NAALADL2: variants seen among roughly 807,000 people sequenced by gnomAD.
NAALADL2 encodes the protein inactive N-acetylated-alpha-linked acidic dipeptidase-like protein 2.
NAALADL2 carries 76 observed loss-of-function variants against 87.2 expected under a neutral mutation model. The ratio of observed to expected loss-of-function variants is 0.87; its 90% CI spans 0.72 to 1.05. The LOEUF is 1.05. Among genes scored for constraint, NAALADL2 ranks in the 50% least tolerant of loss-of-function variants. NAALADL2 has a pLI of 0.00. For missense variants in NAALADL2, 1,089 were observed against 945.8 expected, an observed-to-expected ratio of 1.15 and a Z score of -1.99; for synonymous variants, 354 against 331.0, an observed-to-expected ratio of 1.07 and a Z score of -0.75.
intron 11 of NAALADL2, among the ~76,000 whole-genome samples, chr3:175,702,473 A>G (rs978217365): frequency 2.6e-5 from 4 of 152,126 alleles, no homozygotes; most frequent in Admixed American, 6.5e-5. Context: ...GGAAGACAGA[A>G]AAAAAAACTA....
intron 6 of NAALADL2, among the ~76,000 whole-genome samples, chr3:175,452,145 C>T (rs1721668715): frequency 6.6e-6 from 1 of 152,108 alleles, no homozygotes. Context: ...TGAAACTAAT[C>T]AATGTGTTCA....
chr3:174,779,030 T>C (rs1715593598), intron 3 of NAALADL2, among the ~76,000 whole-genome samples: 1 of 152,212 alleles, frequency 6.6e-6, no homozygotes, highest in Non-Finnish European at 1.5e-5. Flanking sequence ...TATTTCTAGT[T>C]CTAGATCCTT....
chr3:174,589,451 C>T (rs551007943), intron 2 of NAALADL2, among the ~76,000 whole-genome samples: 7 of 152,264 alleles, frequency 4.6e-5, no homozygotes, highest in South Asian at 2.1e-4. Context: ...TCTTCTGCGT[C>T]GCTTATGCTG....
chr3:174,806,178 C>T (rs887531796), intron 3 of NAALADL2, among the ~76,000 whole-genome samples: 2 of 152,116 alleles, frequency 1.3e-5, no homozygotes, highest in Non-Finnish European at 2.9e-5. Context: ...TGGAGTTTAG[C>T]ATATAGGATG....
At position 175,284,414 on chromosome 3, in the gene NAALADL2, T is replaced by G. The variant is rs561467787; in HGVS notation, c.939+27884T>G. Among the ~76,000 whole-genome samples, 15 of 152,176 alleles carry G rather than the reference T, an allele frequency of 9.9e-5. 1 individual carries two copies. The East Asian group carries it at 2.3e-3, about 24-fold the overall frequency. ...ATACTATTATATTCTGATTATATTA[T>G]GTCTTCCATTTGGAAAAGGAAAATA... is the stretch of plus-strand genomic sequence containing the variant. On this transcript the variant is annotated intron_variant, in intron 4 of 13. Coordinates refer to ENST00000454872, the MANE Select transcript of NAALADL2 (RefSeq NM_207015.3).
intron 5 of NAALADL2, among the ~76,000 whole-genome samples, chr3:175,421,165 A>G (rs2149122029): frequency 6.6e-6 from 1 of 152,080 alleles, no homozygotes. Context: ...TTGAGACCAT[A>G]TACAGTTCAG....
At chr3:175,753,239 T>C (rs1193398531) in intron 12 of NAALADL2, among the ~76,000 whole-genome samples, 8 of 152,162 alleles carry the variant, frequency 5.3e-5, no homozygotes, top group African/African-American at 1.9e-4. Flanking sequence ...TTTCTCCTTC[T>C]ACCACGATTT....
intron 1 of NAALADL2, among the ~76,000 whole-genome samples, chr3:174,529,013 C>G (rs1721011447): frequency 6.6e-6 from 1 of 152,092 alleles, no homozygotes; most frequent in South Asian, 2.1e-4. Flanking sequence ...CCAACAGTCC[C>G]CCAAAATCTT....
chr3:175,599,315 G>T (rs570176165), intron 10 of NAALADL2, among the ~76,000 whole-genome samples: 5 of 151,872 alleles, frequency 3.3e-5, no homozygotes, highest in Non-Finnish European at 7.4e-5. Flanking sequence ...CTTGACAAAG[G>T]TTATCATTAT....
rs1328535241 is a variant in NAALADL2, at chr3:175,698,403, G to GTATA, written c.1897-38900_1897-38899insATAT. Among the ~76,000 whole-genome samples the GTATA allele has an allele frequency of 2.7e-4, 20 of 74,216 alleles. 3 individuals are homozygous for GTATA. The highest frequency in any genetic ancestry group is 4.9e-4 in the East Asian group (2 of 4,074). 48.7% of individuals were successfully genotyped at this position (74,216 alleles called of 152,430 possible). On this transcript the variant is annotated intron_variant, in intron 11 of 13. Transcript: ENST00000454872. ...TTTATGTATGTATACATATGTATGT[G>GTATA]TATTTATGTATGTATACATATGTAT... is the stretch of plus-strand genomic sequence containing the variant.
At position 175,013,140 on chromosome 3, in the gene NAALADL2, ATG is replaced by A. The variant is rs1308574573; in HGVS notation, c.44-83648_44-83647del. Reference sequence around the variant, plus strand: ...TAAATATACATATTTATATATAAATATGTAATACATATTTATATATAAATATG... The same window carrying A: ...TAAATATACATATTTATATATAAATATAATACATATTTATATATAAATATG... On this transcript the variant is annotated intron_variant, in intron 1 of 13. Transcript: ENST00000454872. Among the ~76,000 whole-genome samples, 13 of 78,130 alleles carry A rather than the reference ATG, an allele frequency of 1.7e-4. 1 individual carries two copies. Among genetic ancestry groups the A allele is most frequent in the African/African-American group, 3.4e-4 (7 of 20,474 alleles). 51.3% of individuals were successfully genotyped at this position (78,130 alleles called of 152,430 possible).
intron 11 of NAALADL2, among the ~76,000 whole-genome samples, chr3:175,714,682 C>G (rs552684706): frequency 2.0e-5 from 3 of 152,230 alleles, no homozygotes; most frequent in Admixed American, 2.0e-4. Context: ...TGTAGGTTGC[C>G]TGTTCACTCT....
chr3:174,530,340 A>G (rs1215713580), intron 1 of NAALADL2, among the ~76,000 whole-genome samples: 1 of 152,106 alleles, frequency 6.6e-6, no homozygotes, highest in Non-Finnish European at 1.5e-5. Flanking sequence ...TTCATTGTCT[A>G]TATCATTATC....
chr3:174,745,923 C>G (rs897074829), intron 3 of NAALADL2, among the ~76,000 whole-genome samples: 2 of 152,144 alleles, frequency 1.3e-5, no homozygotes, highest in Non-Finnish European at 1.5e-5. Flanking sequence ...ATTGGTGGAA[C>G]ATATCTCAAA....
intron 9 of NAALADL2, among the ~76,000 whole-genome samples, chr3:175,518,878 G>A (rs193067082): frequency 1.3e-5 from 2 of 152,142 alleles, no homozygotes; most frequent in African/African-American, 4.8e-5. Flanking sequence ...ATAGGAAAAA[G>A]GTCATACAAA....
intron 3 of NAALADL2, among the ~76,000 whole-genome samples, chr3:174,804,872 A>G (rs1257358154): frequency 6.6e-6 from 1 of 152,196 alleles, no homozygotes; most frequent in African/African-American, 2.4e-5. Context: ...AAATTAAACA[A>G]GATGTTATAC....
intron 1 of NAALADL2, among the ~76,000 whole-genome samples, chr3:174,957,205 T>A (rs1179993401): frequency 6.6e-6 from 1 of 152,048 alleles, no homozygotes; most frequent in Non-Finnish European, 1.5e-5. Flanking sequence ...ATCCCGAGAC[T>A]TCCTTGATAG....
chr3:175,642,370 G>T (rs186310238), intron 11 of NAALADL2, among the ~76,000 whole-genome samples: 3 of 152,266 alleles, frequency 2.0e-5, no homozygotes, highest in African/African-American at 7.2e-5. Context: ...AGATGTTCAT[G>T]CAAGAAGAAA....
Position 175,619,213 on chromosome 3 carries a change from A to G in NAALADL2, c.1801-8078A>G, listed in dbSNP as rs568712095. 2.0e-3 allele frequency among the ~76,000 whole-genome samples: 278 copies of G among 137,328 alleles called. 2 individuals are homozygous for G. Among genetic ancestry groups the G allele is most frequent in the Non-Finnish European group, 3.8e-4 (24 of 62,412 alleles). The allele number at this position is 137,328 out of a possible 152,430, so 90.1% of individuals were successfully genotyped here. A position where few individuals can be genotyped will look rare whatever the true frequency, so the allele number is the denominator to read the frequency against. On this transcript the variant is annotated intron_variant, in intron 10 of 13. Transcript: ENST00000454872. ...ACCAGATTCTCCTCAGACAAAAAAA[A>G]AGAGAGAAAGAGAGAAAGAAAGAAA...
Sources: allele counts gnomAD v4.1 joint callset (sites outside exome capture counted in the v4.1 genomes callset), GRCh38; gene constraint gnomAD v4.1.1; transcripts MANE v1.5; gene names NCBI Gene and HGNC (gene_info 2026-07-23, HGNC 2026-07-21).